The following GIT2 variants were observed in gnomAD, a reference collection of about 807,000 sequenced individuals.
GIT2 encodes ARF GTPase-activating protein GIT2.
Under a neutral mutation model 100.3 loss-of-function variants are expected in GIT2, and 32 were observed. The ratio of observed to expected loss-of-function variants is 0.32; its 90% CI spans 0.24 to 0.43. The LOEUF is 0.43. Among genes scored for constraint, GIT2 ranks in the 20% least tolerant of loss-of-function variants. The pLI is 1.00. For missense variants in GIT2, 737 were observed against 975.1 expected (o/e 0.76, Z 3.25); for synonymous variants, 353 against 364.1 (o/e 0.97, Z 0.35).
At chr12:109,952,631 C>T (rs999317111) in intron 13 of GIT2, 3 of 519,778 alleles carry the variant, frequency 5.8e-6, no homozygotes, top group East Asian at 5.4e-5. Flanking sequence ...CAATCCCAAG[C>T]GTCCCTTGAG....
intron 4 of GIT2, among the ~76,000 whole-genome samples, chr12:109,986,406 C>T (rs943755143): frequency 5.3e-5 from 8 of 152,120 alleles, no homozygotes; most frequent in Admixed American, 1.3e-4. Context: ...CTGAAACAGG[C>T]GGATCATGAG....
At chr12:109,977,268 C>T (rs114426128) in intron 7 of GIT2, among the ~76,000 whole-genome samples, 3,015 of 152,050 alleles carry the variant, frequency 0.02, 107 homozygotes, top group African/African-American at 0.068. Flanking sequence ...TGCCTGTAAT[C>T]GGGAGGCCCA....
chr12:109,936,534 G>A (rs16940705), intron 18 of GIT2, among the ~76,000 whole-genome samples: 27,584 of 152,034 alleles, frequency 0.18, 4,870 homozygotes, highest in African/African-American at 0.47. Context: ...CACGGTGCTC[G>A]GGAAGAAAGT....
intron 16 of GIT2, among the ~76,000 whole-genome samples, chr12:109,944,684 G>A (rs3168654): frequency 1.5e-3 from 221 of 152,266 alleles, no homozygotes; most frequent in African/African-American, 4.8e-3. Context: ...TAACCAACCC[G>A]TACAAGTGAA....
rs1329909944 is a variant in GIT2 at position 109,947,822 on chromosome 12, G to A, written c.1393-318C>T. 2.3e-5 allele frequency: 7 copies of A among 310,312 alleles called. No individual in the cohort carries two copies. The East Asian group carries it at 5.7e-4, about 25-fold the overall frequency. The allele number at this position is 310,312 out of a possible 1,614,324, so 19.2% of individuals were successfully genotyped here. On this transcript the variant is annotated intron_variant, in intron 14 of 19. Coordinates refer to ENST00000355312, the MANE Select transcript of GIT2 (RefSeq NM_057169.5). This position sits in a 1 kb window ranked among gnomAD's most constrained non-coding sequence, Gnocchi z 4.3. ...GGGGCTGGGAAATGTTTGCAGGCAA[G>A]CTGTACACTGGATTATTACTAAGGC...
At chr12:109,983,181 T>G (rs1417625295) in intron 6 of GIT2, 192 bp downstream of exon 6, 1 of 537,882 alleles carries the variant, frequency 1.9e-6, no homozygotes, top group African/African-American at 1.9e-5. Flanking sequence ...AGCACACTGG[T>G]TCATGATTCT....
In GIT2 at chr12:109,948,600, G is replaced by A; in HGVS notation, c.1393-1096C>T. The A allele has an allele frequency of 7.1e-7, 1 of 1,406,782 alleles. No individual in the cohort carries two copies. Among genetic ancestry groups the A allele is most frequent in the Non-Finnish European group, 9.2e-7 (1 of 1,088,144 alleles). The allele number at this position is 1,406,782 out of a possible 1,614,324, so 87.1% of individuals were successfully genotyped here. A position where few individuals can be genotyped will look rare whatever the true frequency, so the allele number is the denominator to read the frequency against. On this transcript the variant is annotated intron_variant, in intron 14 of 19. Transcript: ENST00000355312. The surrounding 1 kb of genome is among the most constrained non-coding windows in gnomAD (Gnocchi z 4.3). ...TTCATCTTCCATGGACATTCTATAA[G>A]CTGGGTGTGGTGTGAGTTCAGCTGT...
intron 12 of GIT2, among the ~76,000 whole-genome samples, chr12:109,955,237 C>A (rs1437446176): frequency 6.6e-6 from 1 of 152,130 alleles, no homozygotes; most frequent in African/African-American, 2.4e-5. Flanking sequence ...CATTCTCCTG[C>A]CTCAGCCTCC....
intron 2 of GIT2, among the ~76,000 whole-genome samples, 172 bp from the exon 3 acceptor site, chr12:109,989,974 C>T (rs1888087403): frequency 1.3e-5 from 2 of 152,218 alleles, no homozygotes; most frequent in Admixed American, 1.3e-4. Flanking sequence ...AATCTATATG[C>T]AGGATTCAGC....
At position 109,948,212 on chromosome 12, in the gene GIT2, T is replaced by C. The variant is rs1049318054; in HGVS notation, c.1393-708A>G. 3.0e-6 allele frequency: 3 copies of C among 985,380 alleles called. No individual in the cohort carries two copies. In the African/African-American group the frequency reaches 5.2e-5, roughly 17 times the overall value. The allele number at this position is 985,380 out of a possible 1,614,324, so 61.0% of individuals were successfully genotyped here. ...AGAAAACTGGAAACCTATTGATCTATGGAATTGACATCTTCGCATGGATGC... is the reference window on the plus strand; with the variant it reads ...AGAAAACTGGAAACCTATTGATCTACGGAATTGACATCTTCGCATGGATGC... On this transcript the variant is annotated intron_variant, in intron 14 of 19. Coordinates refer to ENST00000355312, the MANE Select transcript of GIT2 (RefSeq NM_057169.5). The surrounding 1 kb of genome is among the most constrained non-coding windows in gnomAD (Gnocchi z 4.3).
At chr12:109,967,404 A>T in intron 8 of GIT2, 54 bp downstream of exon 8, 1 of 1,509,348 alleles carries the variant, frequency 6.6e-7, no homozygotes. Context: ...AACATAATAC[A>T]ACCAAGGAAA....
In GIT2 at chr12:109,996,335, C is replaced by G. The variant is rs1008266737; in HGVS notation, c.-111G>C. 1 of 708,268 alleles carries G rather than the reference C, an allele frequency of 1.4e-6. No homozygotes were observed. The highest frequency in any genetic ancestry group is 1.9e-5 in the African/African-American group (1 of 52,972). 43.9% of individuals were successfully genotyped at this position (708,268 alleles called of 1,614,324 possible). On this transcript the variant is annotated 5_prime_UTR_variant, in exon 1 of 20. Coordinates refer to ENST00000355312, the MANE Select transcript of GIT2 (RefSeq NM_057169.5). ...CCAGCTGCGGCGGCGCTGACGGCGG[C>G]GCCTCTCCCCTCAGCGCCTTGCAGC...
chr12:109,961,160 G>A (rs1880943875), intron 11 of GIT2, 118 bp downstream of exon 11: 1 of 646,534 alleles, frequency 1.5e-6, no homozygotes, highest in Non-Finnish European at 2.8e-6. Flanking sequence ...GTGTATATAT[G>A]TATAAAGGAT....
At position 109,945,283 on chromosome 12, in the gene GIT2, A is replaced by AC; in HGVS notation, c.1707dup (p.Ser570ValfsTer20). On this transcript the variant is annotated frameshift_variant, in exon 16 of 20. Transcript: ENST00000355312. LOFTEE classifies it high-confidence loss of function. Reference sequence around the variant, plus strand: ...ACCCTTCGGGCGCTTTCGTCCCTCGACCAGGAAAGTGTGGAGGGGAAGGAA... The same window carrying AC: ...ACCCTTCGGGCGCTTTCGTCCCTCGACCCAGGAAAGTGTGGAGGGGAAGGAA... The AC allele has an allele frequency of 6.3e-7, 1 of 1,575,244 alleles. No individual in the cohort carries two copies. Among genetic ancestry groups the AC allele is most frequent in the Non-Finnish European group, 8.7e-7 (1 of 1,144,766 alleles).
chr12:109,999,828 G>C, upstream of GIT2: 1 of 1,475,280 alleles, frequency 6.8e-7, no homozygotes, highest in African/African-American at 1.4e-5. The surrounding 1 kb of genome is among the most constrained non-coding windows in gnomAD (Gnocchi z 4.3). Context: ...GGGACTTCGG[G>C]GAATCGGGGG....
At chr12:109,989,493 C>A (rs1210635777) in intron 3 of GIT2, among the ~76,000 whole-genome samples, 197 bp downstream of exon 3, 1 of 152,144 alleles carries the variant, frequency 6.6e-6, no homozygotes, top group African/African-American at 2.4e-5. Flanking sequence ...GCCACTTACT[C>A]CTGCTGGGTG....
chr12:109,987,110 C>T (rs952568980), intron 4 of GIT2, among the ~76,000 whole-genome samples: 1 of 151,778 alleles, frequency 6.6e-6, no homozygotes, highest in Non-Finnish European at 1.5e-5. Context: ...AGGCCAGGCG[C>T]GGTGGCTCCT....
chr12:109,952,291 G>A (rs755366694), intron 13 of GIT2, among the ~76,000 whole-genome samples: 1 of 152,118 alleles, frequency 6.6e-6, no homozygotes, highest in Non-Finnish European at 1.5e-5. Context: ...AGCAGAGGGT[G>A]CACAGCCTGG....
intron 18 of GIT2, among the ~76,000 whole-genome samples, chr12:109,938,057 T>C (rs1873533917): frequency 1.3e-5 from 2 of 152,178 alleles, no homozygotes; most frequent in South Asian, 2.1e-4. Flanking sequence ...GGTATAGCCA[T>C]GGCCAGAAGC....
Sources: allele counts gnomAD v4.1 joint callset (sites outside exome capture counted in the v4.1 genomes callset), GRCh38; gene constraint gnomAD v4.1.1; non-coding constraint Gnocchi (gnomAD v3.1); transcripts MANE v1.5; gene names NCBI Gene and HGNC (gene_info 2026-07-23, HGNC 2026-07-21).